The following CRELD1 variants were observed in gnomAD, a reference collection of about 807,000 sequenced individuals.
CRELD1 encodes the protein protein disulfide isomerase CRELD1.
Under a neutral mutation model 58.2 loss-of-function variants are expected in CRELD1, and 42 were observed. That is an observed-to-expected ratio of 0.72 (90% CI 0.56 to 0.93). The LOEUF (loss-of-function observed/expected upper bound fraction) is 0.93, where lower values mean the gene tolerates loss of function less well. Ranked by LOEUF, CRELD1 falls within the 40% of genes least tolerant of loss-of-function variation. The probability of loss-of-function intolerance (pLI) is 0.00; values close to 1 mark genes in which losing one functional copy is unlikely to be tolerated. For missense variants in CRELD1, 500 were observed against 540.6 expected (o/e 0.92, Z 0.74); for synonymous variants, 222 against 202.0 (o/e 1.10, Z -0.84).
At chr3:9,937,324 C>G (rs1293137381) in intron 3 of CRELD1, among the ~76,000 whole-genome samples, 1 of 152,154 alleles carries the variant, frequency 6.6e-6, no homozygotes, top group Admixed American at 6.6e-5. Flanking sequence ...GTATTGTCAT[C>G]CCCATTTTAC....
intron 10 of CRELD1, chr3:9,943,845 C>G: frequency 6.2e-7 from 1 of 1,613,830 alleles, no homozygotes; most frequent in Non-Finnish European, 8.5e-7. Context: ...AGGGTAATCA[C>G]AACGATGATG....
In CRELD1 at chr3:9,941,095, C is replaced by A; in HGVS notation, c.638-16C>A. 6.2e-7 allele frequency: 1 copy of A among 1,614,102 alleles called. No homozygotes were observed. Among genetic ancestry groups the A allele is most frequent in the Non-Finnish European group, 8.5e-7 (1 of 1,179,926 alleles). On this transcript the variant is annotated splice_polypyrimidine_tract_variant and intron_variant, in intron 6 of 10. Coordinates refer to ENST00000452070, the MANE Select transcript of CRELD1 (RefSeq NM_001077415.3). ...CACCTGCCTGCCCATCCTCATGCTG[C>A]CCCCATTCCACCCAGCTTGTTTTGG...
At chr3:9,941,397 G>A (rs1338337608) in intron 7 of CRELD1, among the ~76,000 whole-genome samples, 191 bp downstream of exon 7, 1 of 151,958 alleles carries the variant, frequency 6.6e-6, no homozygotes, top group African/African-American at 2.4e-5. Flanking sequence ...TATAGTCCCT[G>A]TGTACAGTGA....
intron 3 of CRELD1, chr3:9,935,148 G>T (rs960776912): frequency 3.9e-6 from 2 of 511,524 alleles, no homozygotes; most frequent in South Asian, 2.2e-5. Flanking sequence ...GTCAGATGAA[G>T]AACAAACAGT....
At chr3:9,943,867 T>G in intron 10 of CRELD1, 1 of 1,613,884 alleles carries the variant, frequency 6.2e-7, no homozygotes, top group South Asian at 1.1e-5. Flanking sequence ...CAGGGACCAT[T>G]TCCCCAGCAA....
intron 3 of CRELD1, 90 bp downstream of exon 3, chr3:9,935,007 C>T: frequency 5.5e-6 from 6 of 1,084,838 alleles, no homozygotes; most frequent in East Asian, 2.6e-5. Context: ...TTGGGGAGCA[C>T]TTATTCATTC....
chr3:9,940,050 G>T (rs7627326), intron 5 of CRELD1, among the ~76,000 whole-genome samples: 54,087 of 150,354 alleles, frequency 0.36, 13,075 homozygotes, highest in African/African-American at 0.7. Context: ...GGGCGGAGGG[G>T]CTCCTCACTT....
chr3:9,939,586 C>T (rs570524715), intron 5 of CRELD1, among the ~76,000 whole-genome samples: 5 of 152,288 alleles, frequency 3.3e-5, no homozygotes, highest in South Asian at 2.1e-4. Flanking sequence ...CATCTTGCAC[C>T]GCCCTTAATC....
rs778872883 is a variant in CRELD1, at chr3:9,944,595, G to A, written c.*16G>A. On this transcript the variant is annotated 3_prime_UTR_variant, in exon 11 of 11. Coordinates refer to ENST00000452070, the MANE Select transcript of CRELD1 (RefSeq NM_001077415.3). ...GGGCAGATAATCGCGGCCACCACCT[G>A]TAGGACCTCCTCCCACCCACGCTGC... 6.3e-7 allele frequency: 1 copy of A among 1,586,720 alleles called. No homozygotes were observed. The highest frequency in any genetic ancestry group is 8.5e-7 in the Non-Finnish European group (1 of 1,172,378).
intron 10 of CRELD1, 199 bp downstream of exon 10, chr3:9,943,714 GGAA>G: frequency 1.0e-6 from 1 of 985,370 alleles, no homozygotes; most frequent in South Asian, 4.7e-5. Context: ...GGGTACAAAG[GGAA>G]TCAGACCTGG....
intron 2 of CRELD1, 28 bp from the exon 3 acceptor site, chr3:9,934,807 T>C (rs2125329714): frequency 6.3e-7 from 1 of 1,597,830 alleles, no homozygotes; most frequent in Admixed American, 1.7e-5. Context: ...GGCACTGTAC[T>C]TAGCTATTAC....
At chr3:9,943,249 G>T in intron 9 of CRELD1, 77 bp downstream of exon 9, 1 of 1,588,390 alleles carries the variant, frequency 6.3e-7, no homozygotes. Flanking sequence ...CTGGAATATG[G>T]GCAGGTGGGG....
chr3:9,934,723 A>G lies in CRELD1; in HGVS notation c.174+111A>G, dbSNP rs570272629. 5 of 1,502,704 alleles carry G rather than the reference A, an allele frequency of 3.3e-6. No individual in the cohort carries two copies. The Admixed American group carries it at 5.5e-5, about 16-fold the overall frequency. 93.1% of individuals were successfully genotyped at this position (1,502,704 alleles called of 1,614,324 possible). A position where few individuals can be genotyped will look rare whatever the true frequency, so the allele number is the denominator to read the frequency against. ...TTCATCTTGGTCTCTTACTAGTTGTATGGCCCTAGGCAGGTTGCCTTTCTG... is the reference window on the plus strand; with the variant it reads ...TTCATCTTGGTCTCTTACTAGTTGTGTGGCCCTAGGCAGGTTGCCTTTCTG... On this transcript the variant is annotated intron_variant, in intron 2 of 10. Coordinates refer to ENST00000452070, the MANE Select transcript of CRELD1 (RefSeq NM_001077415.3).
At chr3:9,943,622 C>T in intron 10 of CRELD1, 107 bp downstream of exon 10, 1 of 1,591,494 alleles carries the variant, frequency 6.3e-7, no homozygotes, top group African/African-American at 1.3e-5. Flanking sequence ...TCCCTACTGC[C>T]ACCCAGCCCC....
At chr3:9,944,024 C>A (rs1195116466) in intron 10 of CRELD1, 3 of 884,432 alleles carry the variant, frequency 3.4e-6, no homozygotes, top group Non-Finnish European at 3.9e-6. Context: ...TTTCCCAGGG[C>A]TATATGGCAA....
chr3:9,937,775 C>T (rs1192724054), intron 4 of CRELD1, 103 bp downstream of exon 4: 3 of 868,822 alleles, frequency 3.5e-6, no homozygotes, highest in Non-Finnish European at 5.7e-6. Context: ...GGGCCCATGT[C>T]CTGGTTGTGC....
chr3:9,942,226 A>G (rs1038630743), intron 7 of CRELD1, among the ~76,000 whole-genome samples: 5 of 151,808 alleles, frequency 3.3e-5, no homozygotes, highest in Admixed American at 1.3e-4. Flanking sequence ...AGCCAAGATC[A>G]CACCATTGCA....
At chr3:9,943,696 A>C (rs2085435350) in intron 10 of CRELD1, 181 bp downstream of exon 10, 5 of 985,246 alleles carry the variant, frequency 5.1e-6, no homozygotes, top group Non-Finnish European at 6.0e-6. Context: ...GCAGCCTTAT[A>C]CCTTCCAGGG....
chr3:9,934,700 C>T (rs1421718938), intron 2 of CRELD1, 88 bp downstream of exon 2: 3 of 1,542,032 alleles, frequency 1.9e-6, no homozygotes, highest in African/African-American at 2.7e-5. Flanking sequence ...ATTTAAGTTT[C>T]ATCTTGGTCT....
Sources: allele counts gnomAD v4.1 joint callset (sites outside exome capture counted in the v4.1 genomes callset), GRCh38; gene constraint gnomAD v4.1.1; transcripts MANE v1.5; gene names NCBI Gene and HGNC (gene_info 2026-07-23, HGNC 2026-07-21).